The following KCNMA1 variants were observed in gnomAD, a reference collection of about 807,000 sequenced individuals.
KCNMA1 encodes the protein potassium calcium-activated channel subfamily M alpha 1, also known as Calcium-activated potassium channel subunit alpha-1.
Under a neutral mutation model 140.0 loss-of-function variants are expected in KCNMA1, and 29 were observed. That is an observed-to-expected ratio of 0.21 (90% confidence interval 0.15 to 0.28). The LOEUF (loss-of-function observed/expected upper bound fraction) is 0.28. KCNMA1 is among the 10% of genes least tolerant of loss of function. The pLI is 1.00. For missense variants in KCNMA1, 880 were observed against 1,602.2 expected (o/e 0.55, Z 7.70); for synonymous variants, 612 against 611.9 (o/e 1.00, Z 0.00).
At chr10:77,377,247 C>A (rs1158490888) in intron 2 of KCNMA1, among the ~76,000 whole-genome samples, 1 of 152,274 alleles carries the variant, frequency 6.6e-6, no homozygotes. Context: ...TTTCACTGAC[C>A]TTCAGCCCAC....
intron 2 of KCNMA1, among the ~76,000 whole-genome samples, chr10:77,322,285 T>C (rs1005304016): frequency 6.6e-6 from 1 of 152,214 alleles, no homozygotes; most frequent in Non-Finnish European, 1.5e-5. Context: ...TTGATGGTTA[T>C]TAAATCTCTC....
chr10:77,067,318 G>A (rs2095992610), intron 14 of KCNMA1, among the ~76,000 whole-genome samples: 1 of 152,124 alleles, frequency 6.6e-6, no homozygotes. Flanking sequence ...GTCTCCTCCT[G>A]CCTTCAGATC....
intron 23 of KCNMA1, among the ~76,000 whole-genome samples, chr10:76,941,057 A>AAGAAAGAAAGAAAG (rs1565060473): frequency 2.2e-5 from 2 of 89,152 alleles, no homozygotes; most frequent in African/African-American, 5.3e-5. Context: ...AAGAAAGAGA[A>AAGAAAGAAAGAAAG]AGAAAGAAAG....
intron 13 of KCNMA1, chr10:77,078,179 A>G (rs2096457514): frequency 6.6e-6 from 1 of 152,356 alleles, no homozygotes; most frequent in South Asian, 2.1e-4. Context: ...AATATGGCCC[A>G]TAAGAGGGGG....
intron 2 of KCNMA1, among the ~76,000 whole-genome samples, chr10:77,267,945 C>T (rs184708708): frequency 6.6e-6 from 1 of 152,254 alleles, no homozygotes; most frequent in African/African-American, 2.4e-5. Context: ...TTTTAATAAG[C>T]CAAGAATAGA....
chr10:77,020,902 C>T (rs889780925), intron 16 of KCNMA1: 1 of 152,082 alleles, frequency 6.6e-6, no homozygotes, highest in Non-Finnish European at 1.5e-5. Flanking sequence ...ATCCCTAGAA[C>T]TCAACTTTCT....
At chr10:77,386,918 G>A (rs965227341) in intron 2 of KCNMA1, among the ~76,000 whole-genome samples, 5 of 152,184 alleles carry the variant, frequency 3.3e-5, no homozygotes, top group African/African-American at 4.8e-5. Context: ...GAAATAGAAG[G>A]TGAGGCTATG....
intron 14 of KCNMA1, among the ~76,000 whole-genome samples, chr10:77,059,906 A>G (rs915985091): frequency 1.2e-4 from 18 of 152,188 alleles, no homozygotes; most frequent in African/African-American, 4.1e-4. Context: ...AACATAATGT[A>G]TATTTCTACA....
intron 1 of KCNMA1, among the ~76,000 whole-genome samples, chr10:77,585,686 T>C (rs1348181422): frequency 6.6e-6 from 1 of 152,172 alleles, no homozygotes; most frequent in African/African-American, 2.4e-5. Flanking sequence ...GTTTACATGC[T>C]TCATGATTCC....
At chr10:77,619,931 G>A (rs952857967) in intron 1 of KCNMA1, among the ~76,000 whole-genome samples, 1 of 152,166 alleles carries the variant, frequency 6.6e-6, no homozygotes, top group Non-Finnish European at 1.5e-5. Flanking sequence ...GGAAGGGAAG[G>A]AGTAGGCCAT....
At chr10:77,103,176 G>C (rs1564551637) in intron 9 of KCNMA1, among the ~76,000 whole-genome samples, 2 of 152,154 alleles carry the variant, frequency 1.3e-5, no homozygotes, top group Admixed American at 6.5e-5. Flanking sequence ...CAATAAAGAA[G>C]ATAATTAAGT....
At chr10:77,301,362 G>C (rs1317330324) in intron 2 of KCNMA1, among the ~76,000 whole-genome samples, 1 of 152,132 alleles carries the variant, frequency 6.6e-6, no homozygotes, top group Non-Finnish European at 1.5e-5. Context: ...CTCTAAACTA[G>C]CTATGCTGAG....
intron 6 of KCNMA1, among the ~76,000 whole-genome samples, chr10:77,116,894 C>T (rs187509821): frequency 8.5e-5 from 13 of 152,308 alleles, no homozygotes; most frequent in African/African-American, 3.1e-4. Context: ...TGATTAAAAT[C>T]CTTCAACAGC....
At chr10:76,934,063 C>G (rs537297508) in intron 23 of KCNMA1, among the ~76,000 whole-genome samples, 1 of 152,162 alleles carries the variant, frequency 6.6e-6, no homozygotes. Flanking sequence ...ACCTCCACCT[C>G]CTGGGTTCAT....
Position 77,637,378 on chromosome 10 carries a change from C to A in KCNMA1, c.265G>T (p.Ala89Ser), listed in dbSNP as rs751208535. 1 of 1,613,832 alleles carries A rather than the reference C, an allele frequency of 6.2e-7. No individual in the cohort carries two copies. ...GTCACCATGGAGGAGGCCAGGAAAG[C>A]CCACCACATGCGTTGGCCCCGGCTG... is the stretch of plus-strand genomic sequence containing the variant. ...CDSRGQRMWW[A>S]FLASSMVTFF... Residue 89 changes from alanine (A) to serine (S), a missense_variant, in exon 1 of 28, where the codon GCT becomes TCT. Transcript: ENST00000286628.
At chr10:77,574,643 C>G (rs531785881) in intron 1 of KCNMA1, among the ~76,000 whole-genome samples, 6 of 152,320 alleles carry the variant, frequency 3.9e-5, no homozygotes, top group Non-Finnish European at 5.9e-5. Context: ...AATCTCTGAG[C>G]CTTTAGTTCC....
At chr10:77,423,194 A>G (rs542369147) in intron 1 of KCNMA1, among the ~76,000 whole-genome samples, 14 of 152,232 alleles carry the variant, frequency 9.2e-5, no homozygotes, top group Non-Finnish European at 1.8e-4. Flanking sequence ...TTTGGCAAAA[A>G]GCATGTGATT....
intron 1 of KCNMA1, among the ~76,000 whole-genome samples, chr10:77,491,680 G>A (rs1296518057): frequency 6.6e-6 from 1 of 151,006 alleles, no homozygotes; most frequent in Admixed American, 6.6e-5. Flanking sequence ...CAAACTGTGG[G>A]CCTCACCCTG....
At chr10:76,969,608 G>A (rs2075398651) in intron 20 of KCNMA1, among the ~76,000 whole-genome samples, 1 of 152,180 alleles carries the variant, frequency 6.6e-6, no homozygotes, top group Admixed American at 6.5e-5. Flanking sequence ...GAAAGAGACT[G>A]CCGCAGGCAA....
Sources: gnomAD v4.1 joint callset for allele counts (sites outside exome capture counted in the v4.1 genomes callset) on GRCh38, gnomAD v4.1.1 for gene constraint, MANE v1.5 for transcripts, NCBI Gene and HGNC (gene_info 2026-07-23, HGNC 2026-07-21) for gene names.